BTG4: variants seen among roughly 807,000 people sequenced by gnomAD.
BTG4 encodes the protein BTG anti-proliferation factor 4.
A neutral mutation model predicts 19.3 loss-of-function variants in BTG4; 10 were observed. That is an observed-to-expected ratio of 0.52 (90% CI 0.32 to 0.88). BTG4 has a LOEUF of 0.88. Among genes scored for constraint, BTG4 ranks in the 40% least tolerant of loss-of-function variants. BTG4 has a pLI of 0.04. For synonymous variants in BTG4, 91 were observed against 95.7 expected (o/e 0.95, Z 0.29); for missense variants, 238 against 281.9 (o/e 0.84, Z 1.11).
chr11:111,509,911 CTTT>C (rs1450409427), intron 1 of BTG4, among the ~76,000 whole-genome samples: 2 of 114,722 alleles, frequency 1.7e-5, no homozygotes, highest in African/African-American at 3.1e-5. Context: ...TTTCTTTTTT[CTTT>C]TTTTTTTTTT....
At chr11:111,391,499 C>G in the BTG4 span, among the ~76,000 whole-genome samples, 7 of 152,296 alleles carry the variant, frequency 4.6e-5, no homozygotes, top group East Asian at 1.2e-3. Context: ...GAACCTAGAA[C>G]CTCTGCTGGC....
At chr11:111,440,315 A>C in the BTG4 span, among the ~76,000 whole-genome samples, 1 of 152,240 alleles carries the variant, frequency 6.6e-6, no homozygotes, top group Non-Finnish European at 1.5e-5. Flanking sequence ...ACATTCTATT[A>C]GTCAAGCAGA....
chr11:111,437,649 C>A, the BTG4 span, among the ~76,000 whole-genome samples: 2 of 152,140 alleles, frequency 1.3e-5, no homozygotes, highest in Admixed American at 6.5e-5. Flanking sequence ...GCTAGAGCTA[C>A]AACAGCGAGT....
chr11:111,395,558 A>G, the BTG4 span, among the ~76,000 whole-genome samples: 1 of 152,254 alleles, frequency 6.6e-6, no homozygotes, highest in Non-Finnish European at 1.5e-5. Context: ...CCAAAAGAGT[A>G]TGTTATGAAA....
intron 1 of BTG4, among the ~76,000 whole-genome samples, chr11:111,509,179 C>A (rs148065395): frequency 0.029 from 4,489 of 152,220 alleles, 100 homozygotes; most frequent in Middle Eastern, 0.079. Context: ...ATAAAAACCG[C>A]TGGCAGTTCA....
At chr11:111,490,510 C>A (rs931900886), downstream of BTG4, among the ~76,000 whole-genome samples, 6 of 152,092 alleles carry the variant, frequency 3.9e-5, no homozygotes, top group African/African-American at 1.4e-4. Context: ...AGTTTCAGGC[C>A]ACACATCTGA....
the BTG4 span, among the ~76,000 whole-genome samples, chr11:111,394,788 G>C: frequency 2.0e-5 from 3 of 152,178 alleles, no homozygotes; most frequent in Non-Finnish European, 4.4e-5. Context: ...ACTGACACCA[G>C]GAAATCATCA....
chr11:111,427,343 G>A, the BTG4 span, among the ~76,000 whole-genome samples: 1 of 152,112 alleles, frequency 6.6e-6, no homozygotes, highest in Non-Finnish European at 1.5e-5. Flanking sequence ...TAGAGAGAGG[G>A]GCCCATGGCG....
the BTG4 span, among the ~76,000 whole-genome samples, chr11:111,452,160 C>T: frequency 6.6e-6 from 1 of 152,240 alleles, no homozygotes; most frequent in Non-Finnish European, 1.5e-5. Context: ...GTCAGCACAA[C>T]ATCCAAGAGG....
At chr11:111,424,426 A>C in the BTG4 span, among the ~76,000 whole-genome samples, 6 of 152,370 alleles carry the variant, frequency 3.9e-5, no homozygotes, top group African/African-American at 1.4e-4. Flanking sequence ...CCTGCCCCAC[A>C]ACTTGGCATG....
At chr11:111,406,654 C>T in the BTG4 span, among the ~76,000 whole-genome samples, 1 of 152,184 alleles carries the variant, frequency 6.6e-6, no homozygotes, top group African/African-American at 2.4e-5. Context: ...CAGAAATGAG[C>T]AGGAGGCCAG....
chr11:111,483,977 G>A (rs73553289), intron 5 of BTG4, among the ~76,000 whole-genome samples: 5,419 of 152,214 alleles, frequency 0.036, 329 homozygotes, highest in African/African-American at 0.12. Context: ...AAAGTAGTAA[G>A]AGAAAATAAG....
At chr11:111,395,342 A>C in the BTG4 span, among the ~76,000 whole-genome samples, 1 of 152,156 alleles carries the variant, frequency 6.6e-6, no homozygotes, top group Non-Finnish European at 1.5e-5. Context: ...ACACTAGCCC[A>C]TTGTTCTTCC....
intron 5 of BTG4, among the ~76,000 whole-genome samples, chr11:111,485,097 G>A (rs1176109560): frequency 1.3e-5 from 2 of 152,066 alleles, no homozygotes; most frequent in Admixed American, 6.6e-5. Flanking sequence ...CAACACTGGA[G>A]CACCCGGATT....
At chr11:111,473,659 A>G (rs949775383) in intron 5 of BTG4, among the ~76,000 whole-genome samples, 4 of 152,154 alleles carry the variant, frequency 2.6e-5, no homozygotes, top group Non-Finnish European at 4.4e-5. Flanking sequence ...ATTGGTCATC[A>G]GGGAAATTTA....
intron 5 of BTG4, among the ~76,000 whole-genome samples, chr11:111,488,886 CTG>C (rs1220108873): frequency 6.6e-6 from 1 of 152,152 alleles, no homozygotes; most frequent in East Asian, 1.9e-4. Flanking sequence ...TGGCTCAAGA[CTG>C]TAATCCCAGC....
chr11:111,501,939 A>C (rs2135705160), intron 1 of BTG4, among the ~76,000 whole-genome samples: 1 of 152,316 alleles, frequency 6.6e-6, no homozygotes, highest in Admixed American at 6.5e-5. Context: ...ATGTACCCAG[A>C]ACATATTAAA....
At chr11:111,448,095 A>G in the BTG4 span, among the ~76,000 whole-genome samples, 1 of 152,224 alleles carries the variant, frequency 6.6e-6, no homozygotes, top group South Asian at 2.1e-4. Flanking sequence ...CACCCCAGTG[A>G]CATGGGCTTC....
intron 5 of BTG4, among the ~76,000 whole-genome samples, chr11:111,484,966 C>T (rs1418607488): frequency 1.3e-5 from 2 of 152,002 alleles, no homozygotes; most frequent in African/African-American, 2.4e-5. Context: ...GGAGAAGCTA[C>T]AGTTATCAGA....
Sources: gnomAD v4.1 joint callset for allele counts (sites outside exome capture counted in the v4.1 genomes callset) on GRCh38, gnomAD v4.1.1 for gene constraint, MANE v1.5 for transcripts, NCBI Gene and HGNC (gene_info 2026-07-23, HGNC 2026-07-21) for gene names.